The following WWP2 variants were observed in gnomAD, a reference collection of about 807,000 sequenced individuals.
The protein encoded by WWP2 is NEDD4-like E3 ubiquitin-protein ligase WWP2.
WWP2 carries 57 observed loss-of-function variants against 121.0 expected under a neutral mutation model. That is an observed-to-expected ratio of 0.47 (90% CI 0.38 to 0.59). WWP2 has a LOEUF of 0.59. Ranked by LOEUF, WWP2 falls within the 20% of genes least tolerant of loss-of-function variation. The pLI is 0.00. For missense variants in WWP2, 962 were observed against 1,158.9 expected (o/e 0.83, Z 2.47); for synonymous variants, 449 against 441.3 (o/e 1.02, Z -0.22).
chr16:69,808,761 T>G, intron 4 of WWP2, among the ~76,000 whole-genome samples: 1 of 152,364 alleles, frequency 6.6e-6, no homozygotes, highest in Middle Eastern at 3.4e-3. Context: ...ATAATTTATT[T>G]CTCCATTCTC....
Position 69,940,217 on chromosome 16 carries a change from T to G in WWP2, c.*277T>G. On this transcript the variant is annotated 3_prime_UTR_variant, in exon 24 of 24. Transcript: ENST00000359154. Reference sequence around the variant, plus strand: ...TGACCCTCTCTGCAAAACTCTCCCCTGTCCTCTAGACCCCACCCTGGGTGT... The same window carrying G: ...TGACCCTCTCTGCAAAACTCTCCCCGGTCCTCTAGACCCCACCCTGGGTGT... 2.1e-6 allele frequency: 1 copy of G among 475,720 alleles called. No homozygotes were observed. The allele number at this position is 475,720 out of a possible 1,614,324, so 29.5% of individuals were successfully genotyped here.
chr16:69,916,736 G>A (rs567258685), intron 9 of WWP2, among the ~76,000 whole-genome samples: 17 of 152,256 alleles, frequency 1.1e-4, no homozygotes, highest in South Asian at 6.2e-4. Context: ...GCATTCAATT[G>A]AATGAAGGGT....
intron 8 of WWP2, among the ~76,000 whole-genome samples, chr16:69,906,059 C>A (rs369385873): frequency 6.6e-6 from 1 of 151,524 alleles, no homozygotes; most frequent in Non-Finnish European, 1.5e-5. Context: ...GTTTCTTTTT[C>A]TTTCCTTTTC....
At chr16:69,938,987 C>T (rs754011116) in intron 21 of WWP2, 40 bp from the exon 22 acceptor site, 17 of 1,560,798 alleles carry the variant, frequency 1.1e-5, no homozygotes, top group Middle Eastern at 1.7e-4. Context: ...TACTGGGCCC[C>T]GTGGGTTGCC....
At position 69,779,939 on chromosome 16, in the gene WWP2, TAACA is replaced by T. The variant is rs371655513; in HGVS notation, c.-15-7052_-15-7049del. On this transcript the variant is annotated intron_variant, in intron 1 of 23. Transcript: ENST00000359154. The stretch of plus-strand genomic sequence containing the variant: ...CATATAAAATGGTTAGAGATGAAGA[TAACA>T]AACAGTCATAAAAACCACCATCTGG... Among the ~76,000 whole-genome samples, 54 of 152,286 alleles carry T rather than the reference TAACA, an allele frequency of 3.5e-4. No homozygotes were observed. In the East Asian group the frequency reaches 8.1e-3, roughly 23 times the overall value.
chr16:69,791,975 T>G (rs949587659), intron 2 of WWP2, among the ~76,000 whole-genome samples: 2 of 152,204 alleles, frequency 1.3e-5, no homozygotes, highest in Non-Finnish European at 2.9e-5. Context: ...TATCTCATTA[T>G]ACACATATTT....
chr16:69,900,127 A>T (rs372830305), intron 8 of WWP2, among the ~76,000 whole-genome samples: 1 of 152,160 alleles, frequency 6.6e-6, no homozygotes, highest in Non-Finnish European at 1.5e-5. Flanking sequence ...TTTGACACCT[A>T]ATTATTTCTT....
intron 4 of WWP2, among the ~76,000 whole-genome samples, chr16:69,824,479 C>T (rs566990017): frequency 6.6e-6 from 1 of 152,024 alleles, no homozygotes; most frequent in African/African-American, 2.4e-5. Flanking sequence ...GCACACACTT[C>T]TCAGAAAATA....
intron 1 of WWP2, among the ~76,000 whole-genome samples, chr16:69,763,214 G>A (rs1452048523): frequency 6.6e-6 from 1 of 152,170 alleles, no homozygotes; most frequent in Non-Finnish European, 1.5e-5. Flanking sequence ...ACTGCTTTAT[G>A]ACTTTTCTCT....
intron 10 of WWP2, among the ~76,000 whole-genome samples, chr16:69,922,037 C>T (rs2058570585): frequency 6.7e-6 from 1 of 149,516 alleles, no homozygotes; most frequent in Non-Finnish European, 1.5e-5. Flanking sequence ...GAGATCATGC[C>T]ACTGCACTCC....
intron 1 of WWP2, among the ~76,000 whole-genome samples, chr16:69,766,070 G>A (rs2038722255): frequency 1.3e-5 from 2 of 152,044 alleles, no homozygotes; most frequent in African/African-American, 2.4e-5. Flanking sequence ...ATATCTTCAC[G>A]TGGATTCCTA....
intron 8 of WWP2, among the ~76,000 whole-genome samples, chr16:69,904,037 T>C (rs2058249275): frequency 1.3e-5 from 2 of 152,372 alleles, no homozygotes; most frequent in Admixed American, 1.3e-4. Context: ...TAGGAGCAGA[T>C]GTTATAAAAG....
chr16:69,811,763 A>G (rs369288782), intron 4 of WWP2, among the ~76,000 whole-genome samples: 1 of 152,158 alleles, frequency 6.6e-6, no homozygotes, highest in Non-Finnish European at 1.5e-5. Flanking sequence ...CAAAAAAATA[A>G]AAGATTCAAA....
intron 10 of WWP2, among the ~76,000 whole-genome samples, chr16:69,920,339 G>T (rs368037078): frequency 1.3e-5 from 2 of 152,250 alleles, no homozygotes; most frequent in African/African-American, 4.8e-5. Flanking sequence ...ACTTTCTTGG[G>T]CTAGGCTTCC....
chr16:69,937,670 G>C lies in WWP2; in HGVS notation c.2343+18G>C. ...TCTGGCAGGTGGGTCCCGGGCCCAG[G>C]CCTTGGCAGGGACATTTGGGCCATC... On this transcript the variant is annotated intron_variant, in intron 21 of 23. Coordinates refer to ENST00000359154, the MANE Select transcript of WWP2 (RefSeq NM_001270454.2). This position sits in a 1 kb window ranked among gnomAD's most constrained non-coding sequence, Gnocchi z 6.6. 1 of 1,612,800 alleles carries C rather than the reference G, an allele frequency of 6.2e-7. No individual in the cohort carries two copies. The highest frequency in any genetic ancestry group is 1.1e-5 in the South Asian group (1 of 91,022).
intron 21 of WWP2, among the ~76,000 whole-genome samples, 186 bp from the exon 22 acceptor site, chr16:69,938,841 C>T (rs970098133): frequency 1.3e-5 from 2 of 152,324 alleles, no homozygotes; most frequent in Admixed American, 6.5e-5. Context: ...GAATCTCATG[C>T]ACACACAGCC....
At chr16:69,926,994 G>A (rs1243950776) in intron 11 of WWP2, among the ~76,000 whole-genome samples, 1 of 152,144 alleles carries the variant, frequency 6.6e-6, no homozygotes, top group Non-Finnish European at 1.5e-5. Context: ...ATGGTCACCA[G>A]GTAAGCACAG....
At chr16:69,803,680 G>A (rs1338464444) in intron 4 of WWP2, among the ~76,000 whole-genome samples, 2 of 152,156 alleles carry the variant, frequency 1.3e-5, no homozygotes, top group Non-Finnish European at 2.9e-5. Flanking sequence ...GGCGGAGGCA[G>A]GTTGATCACC....
intron 6 of WWP2, among the ~76,000 whole-genome samples, chr16:69,846,545 ACTT>A (rs1434338504): frequency 1.3e-5 from 2 of 152,096 alleles, no homozygotes; most frequent in African/African-American, 2.4e-5. Context: ...ACATGGCGAA[ACTT>A]CTTCTCTACT....
Sources: allele counts gnomAD v4.1 joint callset (sites outside exome capture counted in the v4.1 genomes callset), GRCh38; gene constraint gnomAD v4.1.1; non-coding constraint Gnocchi (gnomAD v3.1); transcripts MANE v1.5; gene names NCBI Gene and HGNC (gene_info 2026-07-23, HGNC 2026-07-21).